The following TLK2 variants were observed in gnomAD, a reference collection of about 807,000 sequenced individuals.
The protein encoded by TLK2 is tousled like kinase 2.
Under a neutral mutation model 117.3 loss-of-function variants are expected in TLK2, and 6 were observed. The ratio of observed to expected loss-of-function variants is 0.05; its 90% CI spans 0.03 to 0.10. The LOEUF (loss-of-function observed/expected upper bound fraction) is 0.10, where lower values mean the gene tolerates loss of function less well. TLK2 is among the 10% of genes least tolerant of loss of function. TLK2 has a pLI of 1.00. For missense variants in TLK2, 299 were observed against 901.2 expected, an observed-to-expected ratio of 0.33 and a Z score of 8.56; for synonymous variants, 257 against 316.7, an observed-to-expected ratio of 0.81 and a Z score of 2.00.
intron 7 of TLK2, among the ~76,000 whole-genome samples, chr17:62,543,190 G>A (rs2077660332): frequency 6.6e-6 from 1 of 152,156 alleles, no homozygotes; most frequent in Admixed American, 6.6e-5. Flanking sequence ...TTTCATGGGT[G>A]TACATCAGTA....
At chr17:62,611,425 A>T (rs890044803) in intron 21 of TLK2, among the ~76,000 whole-genome samples, 11 of 152,216 alleles carry the variant, frequency 7.2e-5, no homozygotes, top group Non-Finnish European at 1.2e-4. Context: ...GTTTCAAATC[A>T]ACTTTGCTTT....
chr17:62,590,733 C>T (rs2082015345), intron 16 of TLK2, among the ~76,000 whole-genome samples: 1 of 152,180 alleles, frequency 6.6e-6, no homozygotes, highest in Admixed American at 6.5e-5. Context: ...CCCACTTCAG[C>T]CCGCCAAAGT....
At chr17:62,567,918 A>C (rs1031415319) in intron 11 of TLK2, among the ~76,000 whole-genome samples, 1 of 152,104 alleles carries the variant, frequency 6.6e-6, no homozygotes, top group Non-Finnish European at 1.5e-5. Context: ...CAGATTTGTA[A>C]TATTTTTTGG....
intron 11 of TLK2, among the ~76,000 whole-genome samples, chr17:62,566,617 G>T (rs1328033222): frequency 6.6e-6 from 1 of 152,192 alleles, no homozygotes; most frequent in South Asian, 2.1e-4. Flanking sequence ...TAGGTGGCTG[G>T]TGATAGCAGA....
At chr17:62,610,959 G>A (rs1161911686) in intron 21 of TLK2, among the ~76,000 whole-genome samples, 1 of 152,134 alleles carries the variant, frequency 6.6e-6, no homozygotes, top group Non-Finnish European at 1.5e-5. Flanking sequence ...GGGAAACATA[G>A]TGAGACCCAT....
At chr17:62,594,677 A>G (rs759611022) in intron 16 of TLK2, among the ~76,000 whole-genome samples, 3 of 152,188 alleles carry the variant, frequency 2.0e-5, no homozygotes, top group Non-Finnish European at 4.4e-5. Context: ...ACAAGGTAAC[A>G]TTTACCCACT....
chr17:62,554,139 C>G (rs970671928), intron 9 of TLK2, among the ~76,000 whole-genome samples: 14 of 152,052 alleles, frequency 9.2e-5, no homozygotes, highest in African/African-American at 2.4e-4. Flanking sequence ...CTTTTTGTAC[C>G]TTTTATAACC....
chr17:62,547,502 C>G (rs1315959127), intron 7 of TLK2, among the ~76,000 whole-genome samples: 1 of 152,002 alleles, frequency 6.6e-6, no homozygotes, highest in Non-Finnish European at 1.5e-5. Context: ...CATGAGATCC[C>G]TATATTGTGT....
intron 15 of TLK2, among the ~76,000 whole-genome samples, chr17:62,584,976 C>G (rs1318794543): frequency 6.6e-6 from 1 of 152,184 alleles, no homozygotes; most frequent in Non-Finnish European, 1.5e-5. Context: ...ACTTTACAAA[C>G]TAAGAAAAAC....
intron 2 of TLK2, among the ~76,000 whole-genome samples, chr17:62,516,006 A>T (rs986114396): frequency 1.3e-5 from 2 of 150,888 alleles, no homozygotes; most frequent in African/African-American, 4.9e-5. Context: ...CTCACTGCAA[A>T]CTCCTCCTCC....
intron 2 of TLK2, among the ~76,000 whole-genome samples, chr17:62,515,006 C>A (rs2075459615): frequency 6.6e-6 from 1 of 152,182 alleles, no homozygotes; most frequent in Non-Finnish European, 1.5e-5. Context: ...AACTGAAATG[C>A]CCATTAAACA....
chr17:62,539,921 C>T (rs1284034895), intron 7 of TLK2, among the ~76,000 whole-genome samples: 3 of 152,116 alleles, frequency 2.0e-5, no homozygotes, highest in African/African-American at 7.2e-5. Flanking sequence ...TCAGTTGCCT[C>T]CAGTCATTTC....
Position 62,552,403 on chromosome 17 carries a change from T to C in TLK2, c.627+6T>C. 3.1e-6 allele frequency: 5 copies of C among 1,614,004 alleles called. No individual in the cohort carries two copies. Among genetic ancestry groups the C allele is most frequent in the South Asian group, 2.2e-5 (2 of 91,046 alleles). On this transcript the variant is annotated splice_donor_region_variant and intron_variant, in intron 8 of 21. Transcript: ENST00000346027. ...TCCAGCACAGACAGACCCAGGTAGG[T>C]TGGTGATCGATAATCAATTGAGGGG...
Position 62,534,881 on chromosome 17 carries a change from C to CTTTTTT in TLK2, c.364-1270_364-1265dup, listed in dbSNP as rs386386398. 8.6e-4 allele frequency among the ~76,000 whole-genome samples: 63 copies of CTTTTTT among 73,000 alleles called. 2 individuals carry two copies. Among genetic ancestry groups the CTTTTTT allele is most frequent in the Non-Finnish European group, 1.0e-3 (43 of 41,362 alleles). The allele number at this position is 73,000 out of a possible 152,430, so 47.9% of individuals were successfully genotyped here. A position where few individuals can be genotyped will look rare whatever the true frequency, so the allele number is the denominator to read the frequency against. On this transcript the variant is annotated intron_variant, in intron 6 of 21. Transcript: ENST00000346027. Reference sequence around the variant, plus strand: ...TGCATTAAAAGTGGATAATTCCAGTCTTTTTTTTTTTTTTTTTTTTTTTTG... The same window carrying CTTTTTT: ...TGCATTAAAAGTGGATAATTCCAGTCTTTTTTTTTTTTTTTTTTTTTTTTTTTTTTG...
intron 2 of TLK2, among the ~76,000 whole-genome samples, chr17:62,509,815 C>T (rs1414786705): frequency 6.6e-6 from 1 of 152,176 alleles, no homozygotes; most frequent in African/African-American, 2.4e-5. Flanking sequence ...TGCCCTTCTG[C>T]CTTCTACTTT....
At chr17:62,501,756 T>C (rs1005726033) in intron 2 of TLK2, among the ~76,000 whole-genome samples, 1 of 152,044 alleles carries the variant, frequency 6.6e-6, no homozygotes, top group Non-Finnish European at 1.5e-5. Flanking sequence ...GCCCAGGAGT[T>C]TGAGACCAGC....
intron 2 of TLK2, among the ~76,000 whole-genome samples, chr17:62,488,296 A>G (rs2072706625): frequency 1.3e-5 from 2 of 152,318 alleles, no homozygotes; most frequent in African/African-American, 4.8e-5. Flanking sequence ...TATATAATCA[A>G]ATTGACTTCT....
chr17:62,496,352 A>G (rs1327861584), intron 2 of TLK2, among the ~76,000 whole-genome samples: 1 of 152,190 alleles, frequency 6.6e-6, no homozygotes, highest in East Asian at 1.9e-4. Flanking sequence ...TTGTTGATAT[A>G]AATAGTGCTA....
intron 15 of TLK2, among the ~76,000 whole-genome samples, chr17:62,583,694 C>T (rs945559435): frequency 1.1e-4 from 16 of 152,082 alleles, no homozygotes; most frequent in African/African-American, 3.9e-4. Context: ...TCTCCTGGCT[C>T]AGCCTCCCGA....
Sources: gnomAD v4.1 joint callset for allele counts (sites outside exome capture counted in the v4.1 genomes callset) on GRCh38, gnomAD v4.1.1 for gene constraint, MANE v1.5 for transcripts, NCBI Gene and HGNC (gene_info 2026-07-23, HGNC 2026-07-21) for gene names.